The following HTR1F variants were observed in gnomAD, a reference collection of about 807,000 sequenced individuals.
HTR1F encodes the protein 5-hydroxytryptamine (serotonin) receptor 1F, G protein-coupled.
In HTR1F, 17 loss-of-function variants were observed where a neutral mutation model predicts 24.0. The ratio of observed to expected loss-of-function variants is 0.71; its 90% CI spans 0.48 to 1.06. The LOEUF (loss-of-function observed/expected upper bound fraction) is 1.06, where lower values mean the gene tolerates loss of function less well. Among genes scored for constraint, HTR1F ranks in the 50% least tolerant of loss-of-function variants. The pLI is 0.00. For synonymous variants in HTR1F, 186 were observed against 156.8 expected (o/e 1.19, Z -1.39); for missense variants, 391 against 427.8 (o/e 0.91, Z 0.76).
intron 2 of HTR1F, among the ~76,000 whole-genome samples, chr3:87,944,405 C>G (rs1704645371): frequency 6.6e-6 from 1 of 152,110 alleles, no homozygotes; most frequent in Non-Finnish European, 1.5e-5. Context: ...TTGAGGAGAC[C>G]AATTATTAAG....
At chr3:87,954,658 G>GA (rs1704905815) in intron 2 of HTR1F, among the ~76,000 whole-genome samples, 1 of 151,598 alleles carries the variant, frequency 6.6e-6, no homozygotes, top group African/African-American at 2.4e-5. Flanking sequence ...AAAACAAAGA[G>GA]AAAGTTGATA....
At chr3:87,833,439 C>T (rs1303835464) in intron 2 of HTR1F, among the ~76,000 whole-genome samples, 3 of 152,048 alleles carry the variant, frequency 2.0e-5, no homozygotes, top group Non-Finnish European at 4.4e-5. Flanking sequence ...AACCTGTGAG[C>T]TGGAACCAGG....
chr3:87,810,403 G>A (rs1006498729), intron 1 of HTR1F, among the ~76,000 whole-genome samples: 1 of 152,022 alleles, frequency 6.6e-6, no homozygotes, highest in African/African-American at 2.4e-5. Context: ...ACACATTTCT[G>A]GATGTCGGCG....
At chr3:87,974,657 A>G (rs1365589014) in intron 2 of HTR1F, among the ~76,000 whole-genome samples, 2 of 152,164 alleles carry the variant, frequency 1.3e-5, no homozygotes, top group Non-Finnish European at 2.9e-5. Context: ...GTTTTATGGC[A>G]TATTCATTTT....
At chr3:87,924,514 TG>T (rs1263351009) in intron 2 of HTR1F, among the ~76,000 whole-genome samples, 2 of 152,174 alleles carry the variant, frequency 1.3e-5, no homozygotes, top group African/African-American at 4.8e-5. Flanking sequence ...ATTGTCCTTT[TG>T]CTTCCAGATC....
At chr3:87,953,808 G>A (rs531530997) in intron 2 of HTR1F, among the ~76,000 whole-genome samples, 1 of 151,710 alleles carries the variant, frequency 6.6e-6, no homozygotes, top group African/African-American at 2.4e-5. Context: ...TGGCTAAATA[G>A]ATAAAGAAAA....
chr3:87,937,179 G>C (rs1704444935), intron 2 of HTR1F, among the ~76,000 whole-genome samples: 1 of 149,838 alleles, frequency 6.7e-6, no homozygotes, highest in South Asian at 2.1e-4. Flanking sequence ...CCAACAAAAA[G>C]AGAAAACTTC....
At chr3:87,911,113 C>A (rs1406577551) in intron 2 of HTR1F, among the ~76,000 whole-genome samples, 5 of 150,076 alleles carry the variant, frequency 3.3e-5, no homozygotes, top group African/African-American at 1.3e-4. Context: ...AGGAAAAAAA[C>A]AAAATCAGAG....
chr3:87,980,354 A>C (rs552728027), intron 2 of HTR1F, among the ~76,000 whole-genome samples: 2 of 152,282 alleles, frequency 1.3e-5, no homozygotes, highest in South Asian at 2.1e-4. Context: ...TGCAGCCCTC[A>C]GTGGAGAGGA....
chr3:87,912,152 A>G (rs1408151549), intron 2 of HTR1F, among the ~76,000 whole-genome samples: 1 of 152,064 alleles, frequency 6.6e-6, no homozygotes, highest in African/African-American at 2.4e-5. Context: ...ACATGATTCT[A>G]TATCTAGAAA....
chr3:87,915,648 C>A (rs1237832231), intron 2 of HTR1F, among the ~76,000 whole-genome samples: 1 of 151,970 alleles, frequency 6.6e-6, no homozygotes, highest in Admixed American at 6.6e-5. Flanking sequence ...ACCAATCCAA[C>A]AAAGACAAAG....
intron 2 of HTR1F, among the ~76,000 whole-genome samples, chr3:87,918,053 G>A (rs1703934126): frequency 6.6e-6 from 1 of 151,902 alleles, no homozygotes; most frequent in Admixed American, 6.6e-5. Flanking sequence ...GGGATGAAAG[G>A]ATGATTTAAC....
intron 2 of HTR1F, among the ~76,000 whole-genome samples, chr3:87,981,356 G>A (rs903893212): frequency 5.9e-5 from 9 of 152,014 alleles, no homozygotes; most frequent in Admixed American, 1.3e-4. Flanking sequence ...TGCCATACCC[G>A]GCTAATTTTT....
chr3:87,907,391 T>A (rs1187067813), intron 2 of HTR1F, among the ~76,000 whole-genome samples: 2 of 151,820 alleles, frequency 1.3e-5, no homozygotes, highest in Non-Finnish European at 2.9e-5. Context: ...TTTTGCTGAT[T>A]TTTTTTAGTT....
intron 1 of HTR1F, among the ~76,000 whole-genome samples, chr3:87,802,382 C>G (rs1161481376): frequency 7.1e-6 from 1 of 140,880 alleles, no homozygotes; most frequent in Non-Finnish European, 1.5e-5. Flanking sequence ...GTTTTGTCAT[C>G]CAGGCTAGAG....
chr3:87,952,027 T>C (rs1241044703), intron 2 of HTR1F, among the ~76,000 whole-genome samples: 2 of 152,064 alleles, frequency 1.3e-5, no homozygotes, highest in African/African-American at 4.8e-5. Flanking sequence ...CACTGAATAA[T>C]TGTCCATTGT....
At chr3:87,842,586 AC>A (rs1704833575) in intron 2 of HTR1F, among the ~76,000 whole-genome samples, 1 of 151,974 alleles carries the variant, frequency 6.6e-6, no homozygotes, top group Non-Finnish European at 1.5e-5. Flanking sequence ...GGGGAAAAAA[AC>A]CGTCTTAAAT....
chr3:87,946,832 A>G (rs528888948), intron 2 of HTR1F, among the ~76,000 whole-genome samples: 6 of 152,066 alleles, frequency 3.9e-5, no homozygotes, highest in South Asian at 4.2e-4. Flanking sequence ...TCACTGTGTT[A>G]GCCAGGATGG....
chr3:87,882,417 T>C (rs1342862599), intron 2 of HTR1F, among the ~76,000 whole-genome samples: 1 of 152,094 alleles, frequency 6.6e-6, no homozygotes, highest in Admixed American at 6.5e-5. Flanking sequence ...CATATGTTTA[T>C]TGCGGCACTA....
Sources: allele counts gnomAD v4.1 joint callset (sites outside exome capture counted in the v4.1 genomes callset), GRCh38; gene constraint gnomAD v4.1.1; transcripts MANE v1.5; gene names NCBI Gene and HGNC (gene_info 2026-07-23, HGNC 2026-07-21).